The following DIP2C variants were observed in gnomAD, a reference collection of about 807,000 sequenced individuals.
DIP2C encodes DIP2 acetate--CoA ligase C (putative), also known as disco-interacting protein 2 homolog C.
Under a neutral mutation model 192.4 loss-of-function variants are expected in DIP2C, and 33 were observed. That is an observed-to-expected ratio of 0.17 (90% CI 0.13 to 0.23). DIP2C has a LOEUF of 0.23. Among genes scored for constraint, DIP2C ranks in the 10% least tolerant of loss-of-function variants. The pLI is 1.00. For missense variants in DIP2C, 1,537 were observed against 2,110.1 expected (o/e 0.73, Z 5.32); for synonymous variants, 979 against 864.1 (o/e 1.13, Z -2.33).
chr10:637,529 G>A (rs1394337563), intron 1 of DIP2C, among the ~76,000 whole-genome samples: 3 of 152,206 alleles, frequency 2.0e-5, no homozygotes, highest in South Asian at 2.1e-4. Context: ...TGGAAGGAGC[G>A]AGGGAGCTCT....
intron 32 of DIP2C, among the ~76,000 whole-genome samples, chr10:305,112 G>A (rs544906709): frequency 3.3e-5 from 5 of 151,980 alleles, no homozygotes; most frequent in East Asian, 1.9e-4. Context: ...TTGCACACAC[G>A]TACACTTGTA....
intron 1 of DIP2C, among the ~76,000 whole-genome samples, chr10:685,083 G>A (rs989510147): frequency 1.4e-5 from 2 of 141,066 alleles, no homozygotes; most frequent in Admixed American, 7.4e-5. Context: ...GCAATTAGCC[G>A]AGATTGCACC....
At chr10:466,604 C>T (rs1333086091) in intron 3 of DIP2C, among the ~76,000 whole-genome samples, 1 of 136,154 alleles carries the variant, frequency 7.3e-6, no homozygotes, top group East Asian at 2.3e-4. Flanking sequence ...GAACAAGCAA[C>T]CTATAACATG....
At chr10:535,107 G>A (rs1847628298) in intron 1 of DIP2C, among the ~76,000 whole-genome samples, 3 of 152,184 alleles carry the variant, frequency 2.0e-5, no homozygotes, top group South Asian at 4.1e-4. Flanking sequence ...GGAACCTTCA[G>A]CACCCGGGTT....
Position 415,760 on chromosome 10 carries a change from T to TTC in DIP2C, c.859+7_859+8dup. 1 of 1,613,774 alleles carries TTC rather than the reference T, an allele frequency of 6.2e-7. No homozygotes were observed. The highest frequency in any genetic ancestry group is 8.5e-7 in the Non-Finnish European group (1 of 1,179,828). ...TCTGGAAGAAACGTGTGGTAAAGAG[T>TTC]TCTCTCACCTTCTAATAATTCTTCA... On this transcript the variant is annotated intron_variant, in intron 7 of 36. Coordinates refer to ENST00000280886, the MANE Select transcript of DIP2C (RefSeq NM_014974.3).
chr10:381,853 C>T (rs1216770093), intron 17 of DIP2C, among the ~76,000 whole-genome samples: 1 of 152,196 alleles, frequency 6.6e-6, no homozygotes, highest in African/African-American at 2.4e-5. Flanking sequence ...CATGCTGCCC[C>T]AAGAGCCCCA....
Position 651,134 on chromosome 10 carries a change from C to A in DIP2C, c.85+38360G>T, listed in dbSNP as rs1470702210. 3 of 717,446 alleles carry A rather than the reference C, an allele frequency of 4.2e-6. No individual in the cohort carries two copies. The Admixed American group carries it at 6.0e-5, about 14-fold the overall frequency. The allele number at this position is 717,446 out of a possible 1,614,324, so 44.4% of individuals were successfully genotyped here. The stretch of plus-strand genomic sequence containing the variant: ...AGCTCTCGCCACACTCAGTCAATGT[C>A]CACTGGGGGCCTCAGGGGCACCTCC... On this transcript the variant is annotated intron_variant, in intron 1 of 36. Coordinates refer to ENST00000280886, the MANE Select transcript of DIP2C (RefSeq NM_014974.3). This position sits in a 1 kb window ranked among gnomAD's most constrained non-coding sequence, Gnocchi z 4.1.
At chr10:615,538 G>A (rs1853407918) in intron 1 of DIP2C, among the ~76,000 whole-genome samples, 1 of 152,056 alleles carries the variant, frequency 6.6e-6, no homozygotes, top group Non-Finnish European at 1.5e-5. Flanking sequence ...CTCAGGGTTA[G>A]GGTCAGAGTC....
intron 4 of DIP2C, among the ~76,000 whole-genome samples, chr10:436,854 T>G (rs570463899): frequency 8.6e-4 from 121 of 140,262 alleles, no homozygotes; most frequent in African/African-American, 3.2e-3. Context: ...CTCTCTGAGC[T>G]CCACCTCCTG....
At chr10:643,284 G>A (rs1189923284) in intron 1 of DIP2C, among the ~76,000 whole-genome samples, 1 of 151,490 alleles carries the variant, frequency 6.6e-6, no homozygotes, top group East Asian at 1.9e-4. Flanking sequence ...GGAGGCCAAG[G>A]CGGGTGGATC....
At chr10:503,709 C>G (rs967720683) in intron 1 of DIP2C, among the ~76,000 whole-genome samples, 12 of 152,150 alleles carry the variant, frequency 7.9e-5, no homozygotes, top group Non-Finnish European at 4.4e-5. Flanking sequence ...TGCCAAACAC[C>G]GAGTTAACGT....
At chr10:545,858 T>C (rs1848259133) in intron 1 of DIP2C, among the ~76,000 whole-genome samples, 1 of 152,210 alleles carries the variant, frequency 6.6e-6, no homozygotes, top group African/African-American at 2.4e-5. Context: ...CCTTACAACC[T>C]TTCTCCATCA....
chr10:409,165 G>C, intron 8 of DIP2C, 148 bp from the exon 9 acceptor site: 1 of 662,574 alleles, frequency 1.5e-6, no homozygotes, highest in Non-Finnish European at 2.5e-6. Context: ...TGAGCAAAGG[G>C]GGAACTGGTA....
intron 6 of DIP2C, among the ~76,000 whole-genome samples, chr10:418,393 T>A (rs546589550): frequency 6.6e-6 from 1 of 152,124 alleles, no homozygotes; most frequent in Non-Finnish European, 1.5e-5. Flanking sequence ...GATGACAGCA[T>A]ACCAAGGCTG....
intron 1 of DIP2C, among the ~76,000 whole-genome samples, chr10:566,174 C>A (rs1028844045): frequency 6.6e-6 from 1 of 151,972 alleles, no homozygotes; most frequent in African/African-American, 2.4e-5. Context: ...TCTGAAGAAA[C>A]AATTTTTTGC....
At chr10:555,016 A>AC (rs1848769285) in intron 1 of DIP2C, among the ~76,000 whole-genome samples, 1 of 152,162 alleles carries the variant, frequency 6.6e-6, no homozygotes, top group Admixed American at 6.5e-5. Flanking sequence ...AAGGGATTAG[A>AC]CTTCATATAC....
rs374416637 is a variant in DIP2C, at chr10:500,050, C to T, written c.86-13520G>A. ...CAGGGCCACTGAGAGCAAGTTCAGA[C>T]CCAGGGAATAAAACTAGGGCCCCCT... On this transcript the variant is annotated intron_variant, in intron 1 of 36. Coordinates refer to ENST00000280886, the MANE Select transcript of DIP2C (RefSeq NM_014974.3). 7.0e-4 allele frequency among the ~76,000 whole-genome samples: 106 copies of T among 152,328 alleles called. 1 individual carries two copies. In the South Asian group the frequency reaches 0.021, roughly 30 times the overall value.
At chr10:626,020 C>T (rs550364611) in intron 1 of DIP2C, among the ~76,000 whole-genome samples, 165 of 152,276 alleles carry the variant, frequency 1.1e-3, no homozygotes, top group African/African-American at 3.6e-3. Flanking sequence ...TGAGTCCTCC[C>T]CACATACGAA....
chr10:650,650 T>A, intron 1 of DIP2C: 2 of 617,816 alleles, frequency 3.2e-6, no homozygotes, highest in Non-Finnish European at 5.9e-6. Context: ...GGGGAAGCCA[T>A]TCCACAGCAC....
Sources: gnomAD v4.1 joint callset for allele counts (sites outside exome capture counted in the v4.1 genomes callset) on GRCh38, gnomAD v4.1.1 for gene constraint, Gnocchi (gnomAD v3.1) non-coding constraint, MANE v1.5 for transcripts, NCBI Gene and HGNC (gene_info 2026-07-23, HGNC 2026-07-21) for gene names.